The following MALT1 variants were observed in gnomAD, a reference collection of about 807,000 sequenced individuals.
The protein encoded by MALT1 is mucosa-associated lymphoid tissue lymphoma translocation protein 1.
A neutral mutation model predicts 85.5 loss-of-function variants in MALT1; 36 were observed. The observed-to-expected ratio is 0.42, with a 90% confidence interval of 0.32 to 0.56. MALT1 has a LOEUF of 0.56. Ranked by LOEUF, MALT1 falls within the 20% of genes least tolerant of loss-of-function variation. The pLI is 0.10. For missense variants in MALT1, 716 were observed against 981.6 expected (o/e 0.73, Z 3.62); for synonymous variants, 359 against 361.3 (o/e 0.99, Z 0.07).
At chr18:58,746,954 C>T (rs1193094729) in intron 16 of MALT1, among the ~76,000 whole-genome samples, 1 of 152,162 alleles carries the variant, frequency 6.6e-6, no homozygotes, top group Non-Finnish European at 1.5e-5. Flanking sequence ...TCTTGAACTC[C>T]TAACTTCAAG....
chr18:58,732,459 GATATTT>G (rs2055163818), intron 10 of MALT1, among the ~76,000 whole-genome samples: 2 of 152,268 alleles, frequency 1.3e-5, no homozygotes, highest in African/African-American at 4.8e-5. Flanking sequence ...ATGGAAGATT[GATATTT>G]ATATCTCATA....
At position 58,749,580 on chromosome 18, in the gene MALT1, AT is replaced by A. The variant is rs2055419242; in HGVS notation, c.*1739del. On this transcript the variant is annotated 3_prime_UTR_variant, in exon 17 of 17. Coordinates refer to ENST00000649217, the MANE Select transcript of MALT1 (RefSeq NM_006785.4). ...TCAAATTTTTCACCCATTTACACATATCCACAAATGACTGCAAAAGTGCCAC... is the reference window on the plus strand; with the variant it reads ...TCAAATTTTTCACCCATTTACACATACCACAAATGACTGCAAAAGTGCCAC... 4.6e-6 allele frequency: 1 copy of A among 218,600 alleles called. No homozygotes were observed. The highest frequency in any genetic ancestry group is 9.2e-6 in the Non-Finnish European group (1 of 108,930). 13.5% of individuals were successfully genotyped at this position (218,600 alleles called of 1,614,324 possible).
At chr18:58,680,270 A>G (rs921881738) in intron 1 of MALT1, among the ~76,000 whole-genome samples, 3 of 152,212 alleles carry the variant, frequency 2.0e-5, no homozygotes, top group African/African-American at 7.2e-5. Context: ...ACATAGACAT[A>G]CTACCTTGTT....
intron 9 of MALT1, among the ~76,000 whole-genome samples, chr18:58,716,626 GA>G (rs943356170): frequency 1.3e-5 from 2 of 152,176 alleles, no homozygotes; most frequent in African/African-American, 2.4e-5. Flanking sequence ...GTTATGCTGG[GA>G]ATTTAAACAT....
chr18:58,673,409 ATGC>A (rs767297686), intron 1 of MALT1, among the ~76,000 whole-genome samples: 3 of 152,122 alleles, frequency 2.0e-5, no homozygotes, highest in African/African-American at 4.8e-5. Flanking sequence ...AAATGTTTAC[ATGC>A]TGCTGCTGCT....
In MALT1 at chr18:58,745,597, T is replaced by G. The variant is rs1255486872; in HGVS notation, c.1912-69T>G. 2.9e-6 allele frequency: 4 copies of G among 1,392,344 alleles called. No individual in the cohort carries two copies. The African/African-American group carries it at 4.3e-5, about 15-fold the overall frequency. 86.2% of individuals were successfully genotyped at this position (1,392,344 alleles called of 1,614,324 possible). The stretch of plus-strand genomic sequence containing the variant: ...GAGGATAGTATCAGTTAAGATGTCT[T>G]ATGTACTAGATTATATTGTGGCTTT... On this transcript the variant is annotated intron_variant, in intron 15 of 16. Transcript: ENST00000649217.
chr18:58,721,590 T>C (rs1371068901), intron 9 of MALT1, among the ~76,000 whole-genome samples: 1 of 152,228 alleles, frequency 6.6e-6, no homozygotes, highest in Admixed American at 6.5e-5. Flanking sequence ...ACTGAGGCTT[T>C]TCACAAAGTA....
chr18:58,740,225 CTTT>C (rs1389365632), intron 13 of MALT1, among the ~76,000 whole-genome samples: 4 of 152,058 alleles, frequency 2.6e-5, no homozygotes, highest in African/African-American at 7.2e-5. Context: ...ACTTACTTTC[CTTT>C]TTTATTTATT....
At chr18:58,721,378 C>T (rs529305030) in intron 9 of MALT1, among the ~76,000 whole-genome samples, 4 of 152,182 alleles carry the variant, frequency 2.6e-5, no homozygotes, top group African/African-American at 9.6e-5. Context: ...GAAACTCCGT[C>T]TCAAAAAAAA....
chr18:58,746,513 A>G (rs2055369221), intron 16 of MALT1, among the ~76,000 whole-genome samples: 1 of 152,182 alleles, frequency 6.6e-6, no homozygotes, highest in African/African-American at 2.4e-5. Flanking sequence ...CATAGAATGT[A>G]TCAGCTAAAA....
In MALT1 at chr18:58,710,082, A is replaced by G. The variant is rs1465565436; in HGVS notation, c.925+10A>G. ...GTAGAAATCATCATAGGTAAGAAGT[A>G]TTTCCCCAGTGTTCTGACAAGTGGA... On this transcript the variant is annotated intron_variant, in intron 6 of 16. Coordinates refer to ENST00000649217, the MANE Select transcript of MALT1 (RefSeq NM_006785.4). 1 of 1,548,196 alleles carries G rather than the reference A, an allele frequency of 6.5e-7. No individual in the cohort carries two copies. Among genetic ancestry groups the G allele is most frequent in the Non-Finnish European group, 8.9e-7 (1 of 1,121,498 alleles).
rs1247053880 is a variant in MALT1 at position 58,753,291 on chromosome 18, T to C, written c.*5449T>C. 6.6e-6 allele frequency: 1 copy of C among 152,282 alleles called. No homozygotes were observed. Among genetic ancestry groups the C allele is most frequent in the Non-Finnish European group, 1.5e-5 (1 of 68,118 alleles). 9.4% of individuals were successfully genotyped at this position (152,282 alleles called of 1,614,324 possible). On this transcript the variant is annotated 3_prime_UTR_variant, in exon 17 of 17. Transcript: ENST00000649217. ...TCGCCGCAACCTCCGCCTCCCAGGT[T>C]CAAGCGATTCTCGTGCCTCAGCCCC...
chr18:58,740,964 T>G (rs995081293), intron 13 of MALT1, among the ~76,000 whole-genome samples: 2 of 152,178 alleles, frequency 1.3e-5, no homozygotes, highest in Admixed American at 6.5e-5. Flanking sequence ...CCTTTATCAT[T>G]ATGTAGTGAT....
chr18:58,753,049 A>G lies in MALT1; in HGVS notation c.*5207A>G, dbSNP rs1602352554. The G allele has an allele frequency of 6.6e-6, 1 of 152,230 alleles. No individual in the cohort carries two copies. The highest frequency in any genetic ancestry group is 1.9e-4 in the East Asian group (1 of 5,202). 9.4% of individuals were successfully genotyped at this position (152,230 alleles called of 1,614,324 possible). The stretch of plus-strand genomic sequence containing the variant: ...ATGATGCTGTAACATCAAAGAGCTT[A>G]TAATACTTTCCAGAGCTGGCAGTAC... On this transcript the variant is annotated 3_prime_UTR_variant, in exon 17 of 17. Coordinates refer to ENST00000649217, the MANE Select transcript of MALT1 (RefSeq NM_006785.4).
intron 9 of MALT1, among the ~76,000 whole-genome samples, chr18:58,718,954 G>C (rs2054942717): frequency 6.6e-6 from 1 of 152,154 alleles, no homozygotes; most frequent in East Asian, 1.9e-4. Flanking sequence ...AAAAAAGGGT[G>C]AAGACATGGT....
chr18:58,671,593 C>T lies in MALT1; in HGVS notation c.-51C>T, dbSNP rs913557534. 31 of 1,157,488 alleles carry T rather than the reference C, an allele frequency of 2.7e-5. No homozygotes were observed. The African/African-American group carries it at 4.6e-4, about 17-fold the overall frequency. 71.7% of individuals were successfully genotyped at this position (1,157,488 alleles called of 1,614,324 possible). On this transcript the variant is annotated 5_prime_UTR_variant, in exon 1 of 17. Transcript: ENST00000649217. ...CGGAAGGTGCCCCGGGGCCGAGGCC[C>T]GTGACGGGGCGGGCGGGAGCCCCGG... is the stretch of plus-strand genomic sequence containing the variant.
At chr18:58,734,278 A>G (rs371001463) in intron 11 of MALT1, 29 bp from the exon 12 acceptor site, 87 of 1,482,704 alleles carry the variant, frequency 5.9e-5, no homozygotes, top group Non-Finnish European at 6.2e-5. Context: ...TCATATTTCT[A>G]TCTGCCCTCC....
At chr18:58,700,864 T>G (rs1369616362) in intron 4 of MALT1, among the ~76,000 whole-genome samples, 1 of 152,144 alleles carries the variant, frequency 6.6e-6, no homozygotes, top group African/African-American at 2.4e-5. Context: ...TGATCTCAGC[T>G]CACTGCAACT....
intron 2 of MALT1, among the ~76,000 whole-genome samples, chr18:58,689,762 A>G (rs957136211): frequency 2.6e-5 from 4 of 152,238 alleles, no homozygotes; most frequent in African/African-American, 4.8e-5. Flanking sequence ...TGATGAGGAA[A>G]GAGCCTGCCA....
Sources: gnomAD v4.1 joint callset for allele counts (sites outside exome capture counted in the v4.1 genomes callset) on GRCh38, gnomAD v4.1.1 for gene constraint, MANE v1.5 for transcripts, NCBI Gene and HGNC (gene_info 2026-07-23, HGNC 2026-07-21) for gene names.